Variants in SLC12A9 observed in about 807,000 individuals in gnomAD.
SLC12A9 encodes CCC-interacting protein 1.
Under a neutral mutation model 66.0 loss-of-function variants are expected in SLC12A9, and 55 were observed. That is an observed-to-expected ratio of 0.83 (90% CI 0.67 to 1.04). The LOEUF (loss-of-function observed/expected upper bound fraction) is 1.04, where lower values mean the gene tolerates loss of function less well. SLC12A9 is among the 50% of genes least tolerant of loss of function. The pLI is 0.00. For missense variants in SLC12A9, 1,061 were observed against 1,241.9 expected, an observed-to-expected ratio of 0.85 and a Z score of 2.19; for synonymous variants, 577 against 569.0, an observed-to-expected ratio of 1.01 and a Z score of -0.20.
chr7:100,848,393 G>A (rs1562984942), upstream of SLC12A9, among the ~76,000 whole-genome samples: 1 of 152,020 alleles, frequency 6.6e-6, no homozygotes, highest in Non-Finnish European at 1.5e-5. Flanking sequence ...AGCTACTCAG[G>A]AGGCTGAGGC....
upstream of SLC12A9, among the ~76,000 whole-genome samples, chr7:100,849,088 A>G (rs1346864044): frequency 2.0e-5 from 3 of 148,768 alleles, no homozygotes; most frequent in Non-Finnish European, 4.5e-5. Context: ...CACCAGGCCC[A>G]GCTAATTTTT....
intron 1 of SLC12A9, among the ~76,000 whole-genome samples, chr7:100,832,341 A>C (rs556862174): frequency 6.6e-6 from 1 of 152,206 alleles, no homozygotes; most frequent in South Asian, 2.1e-4. Flanking sequence ...CCCTGTCTCT[A>C]CCAGAAAATA....
At chr7:100,849,695 AAC>A (rs1208405383), upstream of SLC12A9, among the ~76,000 whole-genome samples, 1 of 151,534 alleles carries the variant, frequency 6.6e-6, no homozygotes, top group Non-Finnish European at 1.5e-5. Context: ...AGCCTTGGGC[AAC>A]AGACGGAGAC....
intron 1 of SLC12A9, among the ~76,000 whole-genome samples, chr7:100,842,258 C>G (rs147671795): frequency 0.017 from 2,622 of 152,308 alleles, 73 homozygotes; most frequent in African/African-American, 0.06. Flanking sequence ...TTCTATTACT[C>G]TTTCTTCTTT....
intron 13 of SLC12A9, among the ~76,000 whole-genome samples, chr7:100,863,706 G>A (rs1004745547): frequency 2.0e-5 from 3 of 152,206 alleles, no homozygotes; most frequent in Non-Finnish European, 4.4e-5. Flanking sequence ...TTTTAGCGCT[G>A]AGGCCACCAG....
intron 13 of SLC12A9, among the ~76,000 whole-genome samples, chr7:100,863,093 C>T (rs1482150793): frequency 7.1e-6 from 1 of 141,686 alleles, no homozygotes; most frequent in Non-Finnish European, 1.5e-5. Flanking sequence ...GACGGAGTCT[C>T]ACTCTGTCTT....
At chr7:100,862,505 C>T (rs887850561) in intron 12 of SLC12A9, among the ~76,000 whole-genome samples, 176 bp from the exon 13 acceptor site, 3 of 152,160 alleles carry the variant, frequency 2.0e-5, no homozygotes, top group African/African-American at 7.2e-5. Context: ...CTTGGCTTCC[C>T]AAAGGGCAGG....
chr7:100,856,699 C>G, intron 4 of SLC12A9, 169 bp from the exon 5 acceptor site: 2 of 652,598 alleles, frequency 3.1e-6, no homozygotes, highest in South Asian at 4.4e-5. Context: ...TTTTGTGGAG[C>G]TGGGGTTTCA....
chr7:100,842,265 C>T (rs1158316336), intron 1 of SLC12A9, among the ~76,000 whole-genome samples: 3 of 152,224 alleles, frequency 2.0e-5, no homozygotes, highest in Non-Finnish European at 4.4e-5. Flanking sequence ...ACTCTTTCTT[C>T]TTTCCTCATT....
chr7:100,843,187 G>A (rs1423024449), intron 1 of SLC12A9, among the ~76,000 whole-genome samples: 1 of 152,188 alleles, frequency 6.6e-6, no homozygotes, highest in African/African-American at 2.4e-5. Context: ...CTTTCACCCT[G>A]GCATTTCATC....
In SLC12A9 at chr7:100,866,690, G is replaced by C; in HGVS notation, c.*85G>C. ...GGAGGAGGAGGAAGAGGAGGCCACT[G>C]TGGCCCGTGGCCCTGCCCTTGGGAC... On this transcript the variant is annotated 3_prime_UTR_variant, in exon 14 of 14. Coordinates refer to ENST00000354161, the MANE Select transcript of SLC12A9 (RefSeq NM_020246.4). This position sits in a 1 kb window ranked among gnomAD's most constrained non-coding sequence, Gnocchi z 7.3. The C allele has an allele frequency of 7.4e-7, 1 of 1,352,544 alleles. No individual in the cohort carries two copies. The highest frequency in any genetic ancestry group is 1.6e-5 in the South Asian group (1 of 63,920). 83.8% of individuals were successfully genotyped at this position (1,352,544 alleles called of 1,614,324 possible). A position where few individuals can be genotyped will look rare whatever the true frequency, so the allele number is the denominator to read the frequency against.
At chr7:100,855,626 T>G (rs1814340111) in intron 3 of SLC12A9, 80 bp from the exon 4 acceptor site, 2 of 1,592,238 alleles carry the variant, frequency 1.3e-6, no homozygotes, top group Admixed American at 3.4e-5. Flanking sequence ...GCACTTGGGT[T>G]CAGTGCTTGG....
At chr7:100,832,461 C>T (rs1001841420) in intron 1 of SLC12A9, among the ~76,000 whole-genome samples, 1 of 151,904 alleles carries the variant, frequency 6.6e-6, no homozygotes, top group Non-Finnish European at 1.5e-5. Flanking sequence ...TGCAGGGAGC[C>T]GTGATGGCAC....
chr7:100,850,268 T>C (rs922408163), upstream of SLC12A9, among the ~76,000 whole-genome samples: 42 of 150,064 alleles, frequency 2.8e-4, no homozygotes, highest in South Asian at 8.4e-3. Context: ...TCTTTTTTTT[T>C]TTTTTTATTG....
At chr7:100,834,496 T>A (rs1813605818) in intron 1 of SLC12A9, among the ~76,000 whole-genome samples, 2 of 152,140 alleles carry the variant, frequency 1.3e-5, no homozygotes, top group East Asian at 1.9e-4. Context: ...AGCATCCAAG[T>A]GACTATGTGG....
chr7:100,858,710 G>A (rs891883249), intron 5 of SLC12A9, 125 bp from the exon 6 acceptor site: 94 of 824,804 alleles, frequency 1.1e-4, no homozygotes, highest in Middle Eastern at 3.5e-4. Flanking sequence ...AACAGGCTGG[G>A]GTCTTAGTGA....
intron 1 of SLC12A9, among the ~76,000 whole-genome samples, chr7:100,840,844 C>T (rs1268818779): frequency 2.6e-5 from 4 of 151,970 alleles, no homozygotes; most frequent in Non-Finnish European, 5.9e-5. Context: ...TCTCCGTAAC[C>T]CTGTAACACT....
intron 1 of SLC12A9, among the ~76,000 whole-genome samples, chr7:100,839,886 C>A (rs991459430): frequency 2.0e-5 from 3 of 148,516 alleles, no homozygotes; most frequent in Non-Finnish European, 4.5e-5. Context: ...ACTAAAAATA[C>A]AAAAAAATTA....
In SLC12A9 at chr7:100,866,639, C is replaced by A; in HGVS notation, c.*34C>A. 1 of 1,485,618 alleles carries A rather than the reference C, an allele frequency of 6.7e-7. No homozygotes were observed. 92.0% of individuals were successfully genotyped at this position (1,485,618 alleles called of 1,614,324 possible). On this transcript the variant is annotated 3_prime_UTR_variant, in exon 14 of 14. Transcript: ENST00000354161. The surrounding 1 kb of genome is among the most constrained non-coding windows in gnomAD (Gnocchi z 7.3). ...CCTCCAGGGCTAGGTAGAGAGGGCC[C>A]AGGCAGGCGGCCTATCCTGATCCTT...
Sources: allele counts gnomAD v4.1 joint callset (sites outside exome capture counted in the v4.1 genomes callset), GRCh38; gene constraint gnomAD v4.1.1; non-coding constraint Gnocchi (gnomAD v3.1); transcripts MANE v1.5; gene names NCBI Gene and HGNC (gene_info 2026-07-23, HGNC 2026-07-21).